The following EFCAB6 variants were observed in gnomAD, a reference collection of about 807,000 sequenced individuals.
EFCAB6 encodes the protein EF-hand calcium-binding domain-containing protein 6.
A neutral mutation model predicts 169.8 loss-of-function variants in EFCAB6; 156 were observed. The ratio of observed to expected loss-of-function variants is 0.92; its 90% CI spans 0.81 to 1.05. EFCAB6 has a LOEUF of 1.05. Among genes scored for constraint, EFCAB6 ranks in the 50% least tolerant of loss-of-function variants. The pLI is 0.00. For synonymous variants in EFCAB6, 698 were observed against 676.4 expected (o/e 1.03, Z -0.50); for missense variants, 1,800 against 1,829.1 (o/e 0.98, Z 0.29).
intron 22 of EFCAB6, among the ~76,000 whole-genome samples, chr22:43,601,672 T>A (rs2052532213): frequency 6.6e-6 from 1 of 152,214 alleles, no homozygotes; most frequent in African/African-American, 2.4e-5. Flanking sequence ...AAAGAAAATG[T>A]TCTTATTGAC....
intron 6 of EFCAB6, among the ~76,000 whole-genome samples, chr22:43,745,999 A>G (rs2060547832): frequency 1.3e-5 from 2 of 152,244 alleles, no homozygotes; most frequent in African/African-American, 4.8e-5. Context: ...TACACTCTGC[A>G]GAGTATTGGC....
chr22:43,715,876 G>C (rs188493706), intron 9 of EFCAB6, among the ~76,000 whole-genome samples: 1 of 152,286 alleles, frequency 6.6e-6, no homozygotes, highest in Admixed American at 6.5e-5. Context: ...CACTGGCTTT[G>C]TGAGTTCCTC....
chr22:43,612,621 G>A (rs1183056073), intron 21 of EFCAB6, among the ~76,000 whole-genome samples: 35 of 152,200 alleles, frequency 2.3e-4, no homozygotes, highest in African/African-American at 7.7e-4. Flanking sequence ...GCCAGGTGTG[G>A]TGGCTCACAC....
intron 26 of EFCAB6, among the ~76,000 whole-genome samples, chr22:43,565,145 G>A (rs1249581044): frequency 6.6e-6 from 1 of 152,216 alleles, no homozygotes; most frequent in Non-Finnish European, 1.5e-5. Flanking sequence ...AAGGATGAAG[G>A]AGCATTTGCG....
chr22:43,721,070 T>C (rs187359669), intron 8 of EFCAB6, among the ~76,000 whole-genome samples: 3 of 152,184 alleles, frequency 2.0e-5, no homozygotes, highest in Non-Finnish European at 4.4e-5. Context: ...GTGGCATTTC[T>C]ATACATCAAT....
At position 43,547,351 on chromosome 22, in the gene EFCAB6, G is replaced by A. The variant is rs576531665; in HGVS notation, c.3649-6994C>T. On this transcript the variant is annotated intron_variant, in intron 27 of 31. Transcript: ENST00000262726. ...CTTTTGACTTTGTTTTGTTACATAC[G>A]ATAAAATTTCAAGGGCAATTATCAC... Among the ~76,000 whole-genome samples, 12 of 152,236 alleles carry A rather than the reference G, an allele frequency of 7.9e-5. No individual in the cohort carries two copies. In the South Asian group the frequency reaches 8.3e-4, roughly 11 times the overall value.
At chr22:43,617,006 C>T (rs900479352) in intron 20 of EFCAB6, among the ~76,000 whole-genome samples, 3 of 152,188 alleles carry the variant, frequency 2.0e-5, no homozygotes, top group Non-Finnish European at 4.4e-5. Flanking sequence ...CAACTACAGC[C>T]TTGATGCTGC....
chr22:43,726,448 C>CT (rs2059742790), intron 8 of EFCAB6, among the ~76,000 whole-genome samples: 1 of 152,146 alleles, frequency 6.6e-6, no homozygotes, highest in African/African-American at 2.4e-5. Flanking sequence ...TCTGGAGGCC[C>CT]TGGGGAGCAA....
At chr22:43,544,440 GCAGACACAA>G (rs2047925279) in intron 27 of EFCAB6, among the ~76,000 whole-genome samples, 1 of 152,110 alleles carries the variant, frequency 6.6e-6, no homozygotes, top group Admixed American at 6.6e-5. Context: ...TTTCTCTGTA[GCAGACACAA>G]CAGACACAAC....
At chr22:43,685,346 C>T (rs911588768) in intron 11 of EFCAB6, among the ~76,000 whole-genome samples, 10 of 151,718 alleles carry the variant, frequency 6.6e-5, no homozygotes, top group East Asian at 3.9e-4. Flanking sequence ...AGGAAGGGTG[C>T]GGGGGGAAGA....
intron 17 of EFCAB6, among the ~76,000 whole-genome samples, chr22:43,656,425 G>A (rs1206183143): frequency 6.6e-6 from 1 of 151,906 alleles, no homozygotes; most frequent in Non-Finnish European, 1.5e-5. Flanking sequence ...TAAAAACAAT[G>A]TGGTAAGGAT....
chr22:43,644,067 A>T (rs910002220), intron 17 of EFCAB6, among the ~76,000 whole-genome samples: 2 of 151,884 alleles, frequency 1.3e-5, no homozygotes, highest in Non-Finnish European at 2.9e-5. Flanking sequence ...CAGGTGATCC[A>T]CCTGCCTCGG....
At chr22:43,770,907 CT>C (rs1041389497) in intron 4 of EFCAB6, among the ~76,000 whole-genome samples, 2 of 111,452 alleles carry the variant, frequency 1.8e-5, no homozygotes, top group African/African-American at 3.5e-5. Flanking sequence ...TAGAACTGTA[CT>C]TTTTTTTAAT....
chr22:43,788,359 T>C (rs756107131), intron 2 of EFCAB6, among the ~76,000 whole-genome samples: 1 of 152,176 alleles, frequency 6.6e-6, no homozygotes, highest in Non-Finnish European at 1.5e-5. Flanking sequence ...ATGCAGAATA[T>C]ATTAGGAACT....
At chr22:43,564,599 G>A (rs907628687) in intron 26 of EFCAB6, among the ~76,000 whole-genome samples, 6 of 152,220 alleles carry the variant, frequency 3.9e-5, no homozygotes, top group African/African-American at 1.4e-4. Flanking sequence ...CCAGGGGCGG[G>A]AGCAAGCCCT....
intron 21 of EFCAB6, among the ~76,000 whole-genome samples, chr22:43,614,261 A>G (rs1261902614): frequency 6.6e-6 from 1 of 151,866 alleles, no homozygotes; most frequent in Admixed American, 6.6e-5. Context: ...TAATCATGAC[A>G]GTAGTACTGG....
chr22:43,533,896 G>T (rs1163889672), intron 30 of EFCAB6, among the ~76,000 whole-genome samples: 1 of 152,150 alleles, frequency 6.6e-6, no homozygotes, highest in Non-Finnish European at 1.5e-5. Flanking sequence ...CTGGGCTCTG[G>T]CCTCCTGGAG....
chr22:43,782,040 G>C (rs2061838372), intron 3 of EFCAB6, 140 bp downstream of exon 3: 4 of 846,916 alleles, frequency 4.7e-6, no homozygotes, highest in Non-Finnish European at 6.9e-6. Context: ...ATAGAAAACA[G>C]GGATAAAAAC....
chr22:43,764,432 C>G (rs759448163), intron 5 of EFCAB6, among the ~76,000 whole-genome samples: 1 of 152,164 alleles, frequency 6.6e-6, no homozygotes, highest in Non-Finnish European at 1.5e-5. Flanking sequence ...AAAATTCAAT[C>G]CACCATTGGT....
Sources: allele counts gnomAD v4.1 joint callset (sites outside exome capture counted in the v4.1 genomes callset), GRCh38; gene constraint gnomAD v4.1.1; transcripts MANE v1.5; gene names NCBI Gene and HGNC (gene_info 2026-07-23, HGNC 2026-07-21).